The following TTC9 variants were observed in gnomAD, a reference collection of about 807,000 sequenced individuals.
The protein encoded by TTC9 is tetratricopeptide repeat protein 9A.
Under a neutral mutation model 22.9 loss-of-function variants are expected in TTC9, and 13 were observed. The ratio of observed to expected loss-of-function variants is 0.57; its 90% confidence interval spans 0.37 to 0.90. The LOEUF is 0.90. TTC9 is among the 40% of genes least tolerant of loss of function. The pLI is 0.01. For missense variants in TTC9, 280 were observed against 291.8 expected (o/e 0.96, Z 0.29); for synonymous variants, 148 against 133.2 (o/e 1.11, Z -0.77).
chr14:70,663,812 G>A (rs190140730), intron 1 of TTC9, among the ~76,000 whole-genome samples: 1 of 152,314 alleles, frequency 6.6e-6, no homozygotes. Flanking sequence ...ACAGCAGAAG[G>A]GAGTTTCCAC....
chr14:70,667,180 T>A (rs565965281), intron 1 of TTC9, among the ~76,000 whole-genome samples: 45 of 152,346 alleles, frequency 3.0e-4, no homozygotes, highest in African/African-American at 1.0e-3. Flanking sequence ...ATATTTCCCC[T>A]TTTTATAAGG....
chr14:70,653,937 C>T (rs1485856867), intron 1 of TTC9, among the ~76,000 whole-genome samples: 2 of 152,182 alleles, frequency 1.3e-5, no homozygotes, highest in Admixed American at 6.5e-5. Context: ...GACAGAGAAG[C>T]CATGGGGCTG....
chr14:70,665,500 C>T (rs369052941), intron 1 of TTC9, among the ~76,000 whole-genome samples: 2 of 152,122 alleles, frequency 1.3e-5, no homozygotes, highest in Non-Finnish European at 2.9e-5. Flanking sequence ...TCAGAAGGAC[C>T]CCCTGGTGCA....
intron 1 of TTC9, among the ~76,000 whole-genome samples, chr14:70,644,586 G>A (rs1885876765): frequency 6.6e-6 from 1 of 152,046 alleles, no homozygotes; most frequent in African/African-American, 2.4e-5. Context: ...GCATCCTCTG[G>A]GCCTCTGTCT....
At chr14:70,667,505 G>C in intron 1 of TTC9, 59 bp from the exon 2 acceptor site, 1 of 1,592,394 alleles carries the variant, frequency 6.3e-7, no homozygotes. Context: ...CAACTCAAGG[G>C]AAACATGCAG....
chr14:70,643,136 A>G (rs936626123), intron 1 of TTC9, among the ~76,000 whole-genome samples: 1 of 152,222 alleles, frequency 6.6e-6, no homozygotes. Context: ...CCCGGTTGCC[A>G]GGTGAAGATC....
At chr14:70,654,151 C>T (rs956035365) in intron 1 of TTC9, among the ~76,000 whole-genome samples, 10 of 152,094 alleles carry the variant, frequency 6.6e-5, no homozygotes, top group African/African-American at 2.4e-4. Flanking sequence ...CCTAAGCATC[C>T]CCAGAACAGT....
intron 1 of TTC9, among the ~76,000 whole-genome samples, chr14:70,656,594 G>A (rs1195438766): frequency 6.6e-6 from 1 of 152,214 alleles, no homozygotes; most frequent in Non-Finnish European, 1.5e-5. Context: ...GGGCAGGAGA[G>A]GGGATTGAAA....
intron 1 of TTC9, among the ~76,000 whole-genome samples, chr14:70,653,696 C>G (rs542783648): frequency 6.7e-6 from 1 of 148,286 alleles, no homozygotes; most frequent in South Asian, 2.1e-4. Flanking sequence ...ACACTTTGCC[C>G]CAGGATTCCC....
rs1319461522 is a variant in TTC9, at chr14:70,674,249, C to T, written c.*3094C>T. 1 of 152,134 alleles carries T rather than the reference C, an allele frequency of 6.6e-6. No homozygotes were observed. Among genetic ancestry groups the T allele is most frequent in the Non-Finnish European group, 1.5e-5 (1 of 68,040 alleles). 9.4% of individuals were successfully genotyped at this position (152,134 alleles called of 1,614,324 possible). ...CCCCTGCCTGGACTTTTGCGATGGA[C>T]TCTTTGGGGGAAAAACTAACGCTTT... On this transcript the variant is annotated 3_prime_UTR_variant, in exon 3 of 3. Coordinates refer to ENST00000256367, the MANE Select transcript of TTC9 (RefSeq NM_015351.2).
intron 1 of TTC9, among the ~76,000 whole-genome samples, 158 bp from the exon 2 acceptor site, chr14:70,667,406 G>A (rs541157469): frequency 3.3e-4 from 50 of 152,322 alleles, no homozygotes; most frequent in African/African-American, 1.2e-3. Flanking sequence ...TGATGAAACT[G>A]GTCAGGGAGG....
In TTC9 at chr14:70,667,709, C is replaced by G; in HGVS notation, c.552C>G (p.Leu184=). The G allele has an allele frequency of 6.2e-7, 1 of 1,608,038 alleles. No individual in the cohort carries two copies. The highest frequency in any genetic ancestry group is 8.5e-7 in the Non-Finnish European group (1 of 1,176,662). The change falls in exon 2 of 3, where the codon CTC becomes CTG. Residue 184 remains leucine (L), a synonymous_variant. Transcript: ENST00000256367. ...ACCTTGGGGACTATGACAAAGCACT[C>G]TACTACCTGAAAGAAGCAAGGACCC... ...FYHLGDYDKA[L]YYLKEARTQQ...
At chr14:70,658,623 C>T (rs916002806) in intron 1 of TTC9, among the ~76,000 whole-genome samples, 4 of 151,734 alleles carry the variant, frequency 2.6e-5, no homozygotes, top group African/African-American at 7.3e-5. Flanking sequence ...ATTGCCTGAT[C>T]TCAGTTAAAA....
At chr14:70,646,596 G>A (rs1329412407) in intron 1 of TTC9, among the ~76,000 whole-genome samples, 3 of 152,222 alleles carry the variant, frequency 2.0e-5, no homozygotes, top group Non-Finnish European at 4.4e-5. Flanking sequence ...ACAAACCATG[G>A]CATTGGACCT....
chr14:70,655,414 A>AC (rs1886049867), intron 1 of TTC9, among the ~76,000 whole-genome samples: 1 of 152,106 alleles, frequency 6.6e-6, no homozygotes, highest in Admixed American at 6.5e-5. Context: ...AACAAAAAAA[A>AC]AAAAACAAAG....
chr14:70,644,258 A>C (rs890760661), intron 1 of TTC9, among the ~76,000 whole-genome samples: 1 of 152,232 alleles, frequency 6.6e-6, no homozygotes, highest in African/African-American at 2.4e-5. Flanking sequence ...AGGCCAGCCC[A>C]GTCAGGGCGG....
intron 1 of TTC9, among the ~76,000 whole-genome samples, chr14:70,661,634 C>T (rs1427406506): frequency 6.6e-6 from 1 of 152,182 alleles, no homozygotes; most frequent in African/African-American, 2.4e-5. Flanking sequence ...AACACAAAAA[C>T]AAAACAGGTG....
At chr14:70,643,373 G>T (rs868092639) in intron 1 of TTC9, among the ~76,000 whole-genome samples, 2 of 152,152 alleles carry the variant, frequency 1.3e-5, no homozygotes, top group African/African-American at 4.8e-5. Context: ...TAATTTAGGC[G>T]CAGGAATATT....
In TTC9 at chr14:70,658,972, A is replaced by G. The variant is rs74495771; in HGVS notation, c.407-8592A>G. ...AGCGCCTTCCAAAGGATTTCATGCT[A>G]TGTGATTCCATTTATATAATATTTT... On this transcript the variant is annotated intron_variant, in intron 1 of 2. Coordinates refer to ENST00000256367, the MANE Select transcript of TTC9 (RefSeq NM_015351.2). 9.8e-5 allele frequency among the ~76,000 whole-genome samples: 15 copies of G among 152,344 alleles called. No homozygotes were observed. The East Asian group carries it at 2.7e-3, about 27-fold the overall frequency.
Sources: gnomAD v4.1 joint callset for allele counts (sites outside exome capture counted in the v4.1 genomes callset) on GRCh38, gnomAD v4.1.1 for gene constraint, MANE v1.5 for transcripts, NCBI Gene and HGNC (gene_info 2026-07-23, HGNC 2026-07-21) for gene names.